Variants in SYNPO2 observed in about 807,000 individuals in gnomAD.
The protein encoded by SYNPO2 is synaptopodin 2.
In SYNPO2, 56 loss-of-function variants were observed where a neutral mutation model predicts 85.0. That is an observed-to-expected ratio of 0.66 (90% CI 0.53 to 0.82). SYNPO2 has a LOEUF of 0.82. Among genes scored for constraint, SYNPO2 ranks in the 40% least tolerant of loss-of-function variants. The pLI is 0.00. For missense variants in SYNPO2, 1,575 were observed against 1,534.2 expected, an observed-to-expected ratio of 1.03 and a Z score of -0.44; for synonymous variants, 602 against 591.1, an observed-to-expected ratio of 1.02 and a Z score of -0.27.
At chr4:119,011,995 T>C (rs1346784307) in intron 1 of SYNPO2, among the ~76,000 whole-genome samples, 3 of 146,090 alleles carry the variant, frequency 2.1e-5, no homozygotes, top group Admixed American at 1.4e-4. Context: ...CCATCTTGGC[T>C]CACTGCAACC....
intron 1 of SYNPO2, among the ~76,000 whole-genome samples, chr4:118,903,944 C>T (rs140827688): frequency 8.9e-4 from 135 of 152,224 alleles, no homozygotes; most frequent in African/African-American, 3.2e-3. Context: ...TCTTGATCTC[C>T]TGACCTCGTG....
At position 119,027,123 on chromosome 4, in the gene SYNPO2, C is replaced by T. The variant is rs773602801; in HGVS notation, c.754C>T (p.Pro252Ser). The T allele has an allele frequency of 1.2e-6, 2 of 1,614,120 alleles. No individual in the cohort carries two copies. Among genetic ancestry groups the T allele is most frequent in the African/African-American group, 1.3e-5 (1 of 75,016 alleles). ...NSIPTNEKAD[P>S]FLRSSKIIQI... Reference sequence around the variant, plus strand: ...GATCCCTACTAATGAGAAAGCAGACCCTTTCCTGAGGTCCAGCAAGATAAT... The same window carrying T: ...GATCCCTACTAATGAGAAAGCAGACTCTTTCCTGAGGTCCAGCAAGATAAT... Residue 252 changes from proline to serine, a missense_variant, in exon 3 of 5, where the codon CCT becomes TCT. Physicochemically the swap from Pro to Ser is moderately conservative, Grantham distance 74. Coordinates refer to ENST00000307142, the MANE Select transcript of SYNPO2 (RefSeq NM_133477.3).
chr4:118,896,422 T>C (rs1038773739), intron 1 of SYNPO2, among the ~76,000 whole-genome samples: 10 of 152,306 alleles, frequency 6.6e-5, no homozygotes, highest in Non-Finnish European at 1.3e-4. Flanking sequence ...TGAAACTGAA[T>C]GCAGTGAGGT....
At chr4:118,905,513 T>C (rs79516163) in intron 1 of SYNPO2, among the ~76,000 whole-genome samples, 2 of 152,240 alleles carry the variant, frequency 1.3e-5, no homozygotes, top group Non-Finnish European at 2.9e-5. Context: ...TCTGTCTTAA[T>C]TGATTTTCAT....
At chr4:118,923,412 G>A (rs115613850) in intron 1 of SYNPO2, among the ~76,000 whole-genome samples, 2 of 152,008 alleles carry the variant, frequency 1.3e-5, no homozygotes, top group Admixed American at 6.6e-5. Context: ...TTGGGGAGGA[G>A]AGAGAGAATC....
At chr4:119,052,600 G>A (rs1451837663) in intron 4 of SYNPO2, among the ~76,000 whole-genome samples, 1 of 152,164 alleles carries the variant, frequency 6.6e-6, no homozygotes, top group Non-Finnish European at 1.5e-5. Flanking sequence ...TTAGCGACCT[G>A]AGAGAAGAAG....
chr4:118,992,610 G>A (rs1485608491), intron 1 of SYNPO2, among the ~76,000 whole-genome samples: 2 of 152,134 alleles, frequency 1.3e-5, no homozygotes, highest in African/African-American at 2.4e-5. Context: ...ATGCCTCCAA[G>A]GTCCTTGGTT....
intron 3 of SYNPO2, among the ~76,000 whole-genome samples, chr4:119,028,792 C>T (rs1323849787): frequency 6.6e-6 from 1 of 151,782 alleles, no homozygotes; most frequent in African/African-American, 2.4e-5. Flanking sequence ...TAATTTTCCA[C>T]TTAACTGTTT....
intron 1 of SYNPO2, among the ~76,000 whole-genome samples, chr4:118,864,845 T>A (rs1302071214): frequency 6.6e-6 from 1 of 152,234 alleles, no homozygotes; most frequent in Non-Finnish European, 1.5e-5. Flanking sequence ...TCTTTATAGA[T>A]GAAACGTGTT....
intron 1 of SYNPO2, among the ~76,000 whole-genome samples, chr4:118,966,469 C>A (rs990235079): frequency 6.6e-6 from 1 of 152,060 alleles, no homozygotes; most frequent in African/African-American, 2.4e-5. Flanking sequence ...CCCTTGTAAA[C>A]CCCAAGGGAG....
chr4:118,995,862 T>TTATCTATCTATCTATC (rs34223926), intron 1 of SYNPO2, among the ~76,000 whole-genome samples: 84 of 148,422 alleles, frequency 5.7e-4, no homozygotes, highest in East Asian at 1.0e-3. Flanking sequence ...TCTATTTATC[T>TTATCTATCTATCTATC]TATCTATCTA....
At chr4:119,046,792 A>C (rs1561026673) in intron 4 of SYNPO2, among the ~76,000 whole-genome samples, 1 of 152,230 alleles carries the variant, frequency 6.6e-6, no homozygotes, top group Non-Finnish European at 1.5e-5. Context: ...GGTCAATGTG[A>C]CATCCAAGTT....
chr4:118,939,799 C>G (rs1439621121), intron 1 of SYNPO2, among the ~76,000 whole-genome samples: 1 of 152,076 alleles, frequency 6.6e-6, no homozygotes, highest in African/African-American at 2.4e-5. Flanking sequence ...CATATGCTGC[C>G]TGACTTCCCT....
chr4:118,971,863 TCC>T (rs36045877), intron 1 of SYNPO2, among the ~76,000 whole-genome samples: 105,345 of 151,902 alleles, frequency 0.69, 36,835 homozygotes, highest in South Asian at 0.79. Flanking sequence ...TGTTATGTTC[TCC>T]CATCCATGAG....
intron 1 of SYNPO2, among the ~76,000 whole-genome samples, chr4:118,904,561 T>G (rs1732870690): frequency 6.6e-6 from 1 of 152,216 alleles, no homozygotes; most frequent in Non-Finnish European, 1.5e-5. Flanking sequence ...AGGACACTGA[T>G]CTCTGAATAG....
At chr4:118,899,798 G>A (rs954511081) in intron 1 of SYNPO2, among the ~76,000 whole-genome samples, 1 of 152,112 alleles carries the variant, frequency 6.6e-6, no homozygotes, top group African/African-American at 2.4e-5. Flanking sequence ...CCTCGCTCTT[G>A]TCACCCAACC....
chr4:119,011,503 C>A (rs965441998), intron 1 of SYNPO2, among the ~76,000 whole-genome samples: 3 of 152,012 alleles, frequency 2.0e-5, no homozygotes, highest in African/African-American at 7.3e-5. Context: ...TCTCTGATGT[C>A]CAACATTCAA....
intron 1 of SYNPO2, among the ~76,000 whole-genome samples, chr4:118,928,488 A>G (rs961538755): frequency 6.6e-6 from 1 of 152,082 alleles, no homozygotes; most frequent in Non-Finnish European, 1.5e-5. Context: ...AAAAAACCAG[A>G]TGGCATAGGT....
intron 1 of SYNPO2, among the ~76,000 whole-genome samples, chr4:118,914,432 T>A (rs1434807882): frequency 1.3e-5 from 2 of 151,856 alleles, no homozygotes; most frequent in African/African-American, 4.8e-5. Context: ...GAAGAGTCAA[T>A]GGAAAAAAGT....
Sources: gnomAD v4.1 joint callset for allele counts (sites outside exome capture counted in the v4.1 genomes callset) on GRCh38, gnomAD v4.1.1 for gene constraint, MANE v1.5 for transcripts, NCBI Gene and HGNC (gene_info 2026-07-23, HGNC 2026-07-21) for gene names.